HYAL4: variants seen among roughly 807,000 people sequenced by gnomAD.
HYAL4 encodes hyaluronidase-4.
Under a neutral mutation model 35.2 loss-of-function variants are expected in HYAL4, and 37 were observed. The observed-to-expected ratio is 1.05, with a 90% CI of 0.81 to 1.38. The LOEUF (loss-of-function observed/expected upper bound fraction) is 1.38, where lower values mean the gene tolerates loss of function less well. HYAL4 is among the 40% of genes most tolerant of loss of function. The pLI, the probability that HYAL4 is intolerant of heterozygous loss-of-function variation, is 0.00. For synonymous variants in HYAL4, 198 were observed against 203.2 expected (o/e 0.97, Z 0.22); for missense variants, 572 against 572.4 (o/e 1.00, Z 0.01).
the HYAL4 span, among the ~76,000 whole-genome samples, chr7:123,796,781 A>G: frequency 6.6e-6 from 1 of 152,252 alleles, no homozygotes; most frequent in African/African-American, 2.4e-5. Context: ...GCCAATACAT[A>G]TTACATACTA....
chr7:123,873,105 TA>T (rs1806924271), intron 3 of HYAL4, among the ~76,000 whole-genome samples: 1 of 152,116 alleles, frequency 6.6e-6, no homozygotes, highest in Non-Finnish European at 1.5e-5. Flanking sequence ...TCTGCTCCCT[TA>T]TGTCTTTGCC....
In HYAL4 at chr7:123,869,182, C is replaced by T. The variant is rs778533515; in HGVS notation, c.909C>T (p.Tyr303=). The T allele has an allele frequency of 1.2e-6, 2 of 1,613,984 alleles. No homozygotes were observed. Among genetic ancestry groups the T allele is most frequent in the Non-Finnish European group, 8.5e-7 (1 of 1,179,972 alleles). The change falls in exon 3 of 5, where the codon TAC becomes TAT. Residue 303 remains tyrosine, a synonymous_variant. Transcript: ENST00000223026. ...ATTATGCTCTGCCTGTATTTGTCTA[C>T]ACAAGGCTAGGGTACAGAGATGAAC... ...SHDYALPVFV[Y]TRLGYRDEPL...
At chr7:123,859,598 A>T (rs775979872) in intron 2 of HYAL4, among the ~76,000 whole-genome samples, 6 of 152,196 alleles carry the variant, frequency 3.9e-5, no homozygotes, top group Admixed American at 3.3e-4. Flanking sequence ...CTGAAAAGGG[A>T]TGTTCTTGTC....
the HYAL4 span, among the ~76,000 whole-genome samples, chr7:123,774,065 A>T: frequency 6.6e-6 from 1 of 152,108 alleles, no homozygotes; most frequent in Non-Finnish European, 1.5e-5. Flanking sequence ...TCTGTTGCCC[A>T]TGCTGTAGTG....
At chr7:123,797,785 T>C in the HYAL4 span, among the ~76,000 whole-genome samples, 1 of 152,108 alleles carries the variant, frequency 6.6e-6, no homozygotes, top group Admixed American at 6.5e-5. Flanking sequence ...CTGGAATTCA[T>C]ACAAGTAGCT....
chr7:123,771,788 G>C, the HYAL4 span, among the ~76,000 whole-genome samples: 1 of 139,744 alleles, frequency 7.2e-6, no homozygotes. Flanking sequence ...CTTGTTTTTT[G>C]TTTGTTTGGT....
At chr7:123,824,488 C>T (rs1230912653), upstream of HYAL4, among the ~76,000 whole-genome samples, 5 of 152,068 alleles carry the variant, frequency 3.3e-5, no homozygotes, top group East Asian at 3.9e-4. Context: ...CCTTTTGATA[C>T]GGCTGCCATT....
the HYAL4 span, among the ~76,000 whole-genome samples, chr7:123,769,613 T>G: frequency 2.6e-5 from 4 of 152,124 alleles, no homozygotes; most frequent in Non-Finnish European, 5.9e-5. Context: ...GCTGATGGCT[T>G]CTGCCAACAG....
At chr7:123,849,295 C>G (rs574836448) in intron 2 of HYAL4, among the ~76,000 whole-genome samples, 1 of 151,850 alleles carries the variant, frequency 6.6e-6, no homozygotes, top group African/African-American at 2.4e-5. Context: ...CCCTCTCTCT[C>G]TCTCTTTCTC....
At chr7:123,802,903 C>G in the HYAL4 span, among the ~76,000 whole-genome samples, 1 of 152,310 alleles carries the variant, frequency 6.6e-6, no homozygotes, top group African/African-American at 2.4e-5. Flanking sequence ...GTCTTAAAAT[C>G]TGTCATGACT....
At chr7:123,835,952 T>C (rs1331312469) in intron 1 of HYAL4, among the ~76,000 whole-genome samples, 1 of 152,232 alleles carries the variant, frequency 6.6e-6, no homozygotes, top group Non-Finnish European at 1.5e-5. Context: ...CTTGATATGA[T>C]TTCAATTTTC....
chr7:123,832,479 C>CTTTTTTTTTTTTTTTTTTTTTTTTTTTT (rs71163703), intron 1 of HYAL4, among the ~76,000 whole-genome samples: 6 of 21,816 alleles, frequency 2.8e-4, no homozygotes, highest in African/African-American at 8.4e-4. Context: ...TTGTGTCATA[C>CTTTTTTTTTTTTTTTTTTTTTTTTTTTT]TTTTTTTTTT....
the HYAL4 span, among the ~76,000 whole-genome samples, chr7:123,786,740 A>ATCTATCTATCTATCTG: frequency 1.3e-5 from 2 of 151,678 alleles, no homozygotes; most frequent in African/African-American, 4.9e-5. Flanking sequence ...CTATCTATCT[A>ATCTATCTATCTATCTG]TCTATCTATC....
At chr7:123,806,632 A>C in the HYAL4 span, among the ~76,000 whole-genome samples, 16 of 149,478 alleles carry the variant, frequency 1.1e-4, no homozygotes, top group Non-Finnish European at 2.4e-4. Context: ...TTTTTTTTTC[A>C]GTAGAGATGG....
the HYAL4 span, among the ~76,000 whole-genome samples, chr7:123,777,404 T>C: frequency 6.6e-6 from 1 of 152,184 alleles, no homozygotes; most frequent in Admixed American, 6.5e-5. Context: ...CATATGATTC[T>C]TTTTACTTCA....
At chr7:123,764,810 C>T in the HYAL4 span, among the ~76,000 whole-genome samples, 3 of 152,142 alleles carry the variant, frequency 2.0e-5, no homozygotes, top group Admixed American at 1.3e-4. Flanking sequence ...ATTCTCCCAC[C>T]TTCATTGGAA....
chr7:123,847,587 C>G (rs1024259412), intron 1 of HYAL4, among the ~76,000 whole-genome samples: 4 of 152,100 alleles, frequency 2.6e-5, no homozygotes, highest in African/African-American at 9.7e-5. Context: ...ACCATCCTGG[C>G]TAACACGGTG....
the HYAL4 span, among the ~76,000 whole-genome samples, chr7:123,809,066 C>A: frequency 1.3e-5 from 2 of 152,184 alleles, no homozygotes; most frequent in African/African-American, 4.8e-5. Flanking sequence ...ACTGATTATT[C>A]ATCTCCCTTG....
chr7:123,842,126 G>A (rs1806082953), upstream of HYAL4, among the ~76,000 whole-genome samples: 1 of 151,820 alleles, frequency 6.6e-6, no homozygotes, highest in Non-Finnish European at 1.5e-5. Context: ...TTTCTGTTGT[G>A]GGCATTTAGT....
Sources: allele counts gnomAD v4.1 joint callset (sites outside exome capture counted in the v4.1 genomes callset), GRCh38; gene constraint gnomAD v4.1.1; transcripts MANE v1.5; gene names NCBI Gene and HGNC (gene_info 2026-07-23, HGNC 2026-07-21).